The following ZC3H10 variants were observed in gnomAD, a reference collection of about 807,000 sequenced individuals.
ZC3H10 encodes the protein zinc finger CCCH-type containing 10, also known as zinc finger CCCH domain-containing protein 10.
A neutral mutation model predicts 24.3 loss-of-function variants in ZC3H10; 12 were observed. The observed-to-expected ratio is 0.49, with a 90% CI of 0.32 to 0.80. The LOEUF is 0.80. Ranked by LOEUF, ZC3H10 falls within the 30% of genes least tolerant of loss-of-function variation. ZC3H10 has a pLI of 0.04. For synonymous variants in ZC3H10, 226 were observed against 217.0 expected, an observed-to-expected ratio of 1.04 and a Z score of -0.36; for missense variants, 360 against 576.3, an observed-to-expected ratio of 0.62 and a Z score of 3.84.
Position 56,125,620 on chromosome 12 carries a change from T to G in ZC3H10, c.*3753T>G, listed in dbSNP as rs114271417. The G allele has an allele frequency of 2.6e-5, 4 of 152,144 alleles. No homozygotes were observed. The highest frequency in any genetic ancestry group is 6.5e-5 in the Admixed American group (1 of 15,272). 9.4% of individuals were successfully genotyped at this position (152,144 alleles called of 1,614,324 possible). ...CTCATTGACACAATGGGTAATATTA[T>G]TGTACCCATTTTACAGAGGAGAAAG... is the stretch of plus-strand genomic sequence containing the variant. On this transcript the variant is annotated 3_prime_UTR_variant, in exon 3 of 3. Coordinates refer to ENST00000257940, the MANE Select transcript of ZC3H10 (RefSeq NM_032786.3).
In ZC3H10 at chr12:56,125,324, G is replaced by A. The variant is rs568740719; in HGVS notation, c.*3457G>A. On this transcript the variant is annotated 3_prime_UTR_variant, in exon 3 of 3. Transcript: ENST00000257940. Reference sequence around the variant, plus strand: ...ACGATCTCTGCTCACTGCAAACTCTGCCTCCAGGGTTTACGCCATTCTGCT... The same window carrying A: ...ACGATCTCTGCTCACTGCAAACTCTACCTCCAGGGTTTACGCCATTCTGCT... 3 of 142,014 alleles carry A rather than the reference G, an allele frequency of 2.1e-5. No individual in the cohort carries two copies. The highest frequency in any genetic ancestry group is 3.0e-5 in the Non-Finnish European group (2 of 66,674). The allele number at this position is 142,014 out of a possible 1,614,324, so 8.8% of individuals were successfully genotyped here.
At position 56,121,027 on chromosome 12, in the gene ZC3H10, G is replaced by A. The variant is rs780665878; in HGVS notation, c.465G>A (p.Lys155=). The A allele has an allele frequency of 6.2e-7, 1 of 1,614,230 alleles. No individual in the cohort carries two copies. The highest frequency in any genetic ancestry group is 8.5e-7 in the Non-Finnish European group (1 of 1,180,034). ...ACTGTCAGAGAGGAGCCAAGTGCAAGTTCCGTCACCTGCAACGGGATTTTG... is the reference window on the plus strand; with the variant it reads ...ACTGTCAGAGAGGAGCCAAGTGCAAATTCCGTCACCTGCAACGGGATTTTG... ...KGDCQRGAKC[K]FRHLQRDFEF... Residue 155 remains lysine, a synonymous_variant, in exon 3 of 3, where the codon AAG becomes AAA. Transcript: ENST00000257940. The surrounding 1 kb of genome is among the most constrained non-coding windows in gnomAD (Gnocchi z 6.2).
chr12:56,122,354 G>A lies in ZC3H10; in HGVS notation c.*487G>A, dbSNP rs1869873742. ...GCTTGGGTTGGACAATACAGGAATTGCTTCTGGGCCCTGGGAAAGCTGGGA... is the reference window on the plus strand; with the variant it reads ...GCTTGGGTTGGACAATACAGGAATTACTTCTGGGCCCTGGGAAAGCTGGGA... On this transcript the variant is annotated 3_prime_UTR_variant, in exon 3 of 3. Transcript: ENST00000257940. 5.9e-6 allele frequency: 1 copy of A among 169,782 alleles called. No individual in the cohort carries two copies. Among genetic ancestry groups the A allele is most frequent in the African/African-American group, 2.4e-5 (1 of 41,518 alleles). The allele number at this position is 169,782 out of a possible 1,614,324, so 10.5% of individuals were successfully genotyped here.
Position 56,122,251 on chromosome 12 carries a change from A to G in ZC3H10, c.*384A>G. 5.2e-6 allele frequency: 1 copy of G among 192,306 alleles called. No individual in the cohort carries two copies. The highest frequency in any genetic ancestry group is 5.8e-5 in the Admixed American group (1 of 17,296). The allele number at this position is 192,306 out of a possible 1,614,324, so 11.9% of individuals were successfully genotyped here. On this transcript the variant is annotated 3_prime_UTR_variant, in exon 3 of 3. Transcript: ENST00000257940. ...AGAAAAAAATACCCTGCCCAGAGGG[A>G]AAGCCAGGAAAGATTGGGAAGTGGG...
At position 56,120,532 on chromosome 12, in the gene ZC3H10, T is replaced by A; in HGVS notation, c.-31T>A. On this transcript the variant is annotated 5_prime_UTR_variant, in exon 3 of 3. Coordinates refer to ENST00000257940, the MANE Select transcript of ZC3H10 (RefSeq NM_032786.3). ...GTAGTGGTCACCAAGAGTGGCAAGA[T>A]AAAGAAAACCCTGAGTTGGGCGGGA... 1 of 1,507,020 alleles carries A rather than the reference T, an allele frequency of 6.6e-7. No homozygotes were observed. Among genetic ancestry groups the A allele is most frequent in the Non-Finnish European group, 8.8e-7 (1 of 1,135,376 alleles). 93.4% of individuals were successfully genotyped at this position (1,507,020 alleles called of 1,614,324 possible). A position where few individuals can be genotyped will look rare whatever the true frequency, so the allele number is the denominator to read the frequency against.
rs1565868965 is a variant in ZC3H10, at chr12:56,120,885, C to G, written c.323C>G (p.Thr108Arg). ...GAGGATGAGGATGGCTATAAGAAGA[C>G]AGGAGAGCTTCCCCCACGGCTGAGG... ...SKEDEDGYKK[T>R]GELPPRLRQK... The change falls in exon 3 of 3, where the codon ACA becomes AGA. Residue 108 changes from threonine (T) to arginine (R), a missense_variant. Transcript: ENST00000257940. The G allele has an allele frequency of 6.2e-7, 1 of 1,614,182 alleles. No homozygotes were observed. Among genetic ancestry groups the G allele is most frequent in the East Asian group, 2.2e-5 (1 of 44,888 alleles).
chr12:56,121,204 C>CT lies in ZC3H10; in HGVS notation c.643dup (p.Cys215LeufsTer4). On this transcript the variant is annotated frameshift_variant, in exon 3 of 3. Coordinates refer to ENST00000257940, the MANE Select transcript of ZC3H10 (RefSeq NM_032786.3). LOFTEE classifies it high-confidence loss of function. The surrounding 1 kb of genome is among the most constrained non-coding windows in gnomAD (Gnocchi z 6.2). ...GCCCAAAACGCCGGCGAGGTGGATG[C>CT]TGCCCCCCTGATGGCCCTCATTTTG... 6.2e-7 allele frequency: 1 copy of CT among 1,613,910 alleles called. No individual in the cohort carries two copies. The highest frequency in any genetic ancestry group is 8.5e-7 in the Non-Finnish European group (1 of 1,180,024).
rs146904688 is a variant in ZC3H10 at position 56,122,139 on chromosome 12, G to C, written c.*272G>C. The C allele has an allele frequency of 4.5e-3, 2,135 of 474,620 alleles. 32 individuals carry two copies. Among genetic ancestry groups the C allele is most frequent in the African/African-American group, 0.037 (1,916 of 51,290 alleles). 29.4% of individuals were successfully genotyped at this position (474,620 alleles called of 1,614,324 possible). ...CCAGCAGAGAGGAAGGACTGACTGA[G>C]GGGCTGTGTCCTCTTATGGGAATTT... is the stretch of plus-strand genomic sequence containing the variant. On this transcript the variant is annotated 3_prime_UTR_variant, in exon 3 of 3. Coordinates refer to ENST00000257940, the MANE Select transcript of ZC3H10 (RefSeq NM_032786.3).
chr12:56,126,532 G>A lies in ZC3H10; in HGVS notation c.*4665G>A, dbSNP rs1191950179. ...TCTGGATGAGGTGAGGAAGGGAGAAGTTTGGAAAAGAACCTCCATAGGTCA... is the reference window on the plus strand; with the variant it reads ...TCTGGATGAGGTGAGGAAGGGAGAAATTTGGAAAAGAACCTCCATAGGTCA... On this transcript the variant is annotated 3_prime_UTR_variant, in exon 3 of 3. Coordinates refer to ENST00000257940, the MANE Select transcript of ZC3H10 (RefSeq NM_032786.3). 6.6e-6 allele frequency: 1 copy of A among 152,166 alleles called. No individual in the cohort carries two copies. The highest frequency in any genetic ancestry group is 1.5e-5 in the Non-Finnish European group (1 of 68,030). 9.4% of individuals were successfully genotyped at this position (152,166 alleles called of 1,614,324 possible).
At position 56,124,102 on chromosome 12, in the gene ZC3H10, T is replaced by A. The variant is rs1869925576; in HGVS notation, c.*2235T>A. 6.6e-6 allele frequency: 1 copy of A among 152,162 alleles called. No individual in the cohort carries two copies. Among genetic ancestry groups the A allele is most frequent in the South Asian group, 2.1e-4 (1 of 4,830 alleles). The allele number at this position is 152,162 out of a possible 1,614,324, so 9.4% of individuals were successfully genotyped here. A position where few individuals can be genotyped will look rare whatever the true frequency, so the allele number is the denominator to read the frequency against. Reference sequence around the variant, plus strand: ...TTTGGATTGGGTGCTGTTAAGGGAATCCAGGATAATTGGGTAGCTTGTCTA... The same window carrying A: ...TTTGGATTGGGTGCTGTTAAGGGAAACCAGGATAATTGGGTAGCTTGTCTA... On this transcript the variant is annotated 3_prime_UTR_variant, in exon 3 of 3. Transcript: ENST00000257940.
chr12:56,121,135 T>C lies in ZC3H10; in HGVS notation c.573T>C (p.Asp191=). 1 of 1,614,162 alleles carries C rather than the reference T, an allele frequency of 6.2e-7. No individual in the cohort carries two copies. Among genetic ancestry groups the C allele is most frequent in the South Asian group, 1.1e-5 (1 of 91,080 alleles). ...CAGGACGACGTCATGATCTCTATGA[T>C]ATCTATGACCTTCCTGACAGGGGCT... The part of the protein sequence containing the change: ...VLPGRRHDLY[D]IYDLPDRGFE... Residue 191 remains aspartate (D), a synonymous_variant, in exon 3 of 3, where the codon GAT becomes GAC. Transcript: ENST00000257940. This position sits in a 1 kb window ranked among gnomAD's most constrained non-coding sequence, Gnocchi z 6.2.
At chr12:56,120,138 T>C in intron 2 of ZC3H10, 3 of 884,266 alleles carry the variant, frequency 3.4e-6, no homozygotes, top group Non-Finnish European at 4.1e-6. Context: ...AGTAGCTCAG[T>C]AGCCCATCTT....
rs1319695492 is a variant in ZC3H10 at position 56,120,858 on chromosome 12, A to G, written c.296A>G (p.Lys99Arg). ...RPNCRFIHGS[K>R]EDEDGYKKTG... The stretch of plus-strand genomic sequence containing the variant: ...AATTGCCGTTTCATCCATGGCTCCA[A>G]GGAGGATGAGGATGGCTATAAGAAG... Residue 99 changes from lysine to arginine, a missense_variant, in exon 3 of 3, where the codon AAG (lysine) becomes AGG (arginine). Physicochemically the swap from Lys to Arg is conservative, Grantham distance 26 (BLOSUM62 2). Coordinates refer to ENST00000257940, the MANE Select transcript of ZC3H10 (RefSeq NM_032786.3). 1.2e-6 allele frequency: 2 copies of G among 1,614,174 alleles called. No homozygotes were observed. Among genetic ancestry groups the G allele is most frequent in the Non-Finnish European group, 1.7e-6 (2 of 1,180,026 alleles).
At position 56,123,177 on chromosome 12, in the gene ZC3H10, TGTCTA is replaced by T. The variant is rs1211481380; in HGVS notation, c.*1316_*1320del. On this transcript the variant is annotated 3_prime_UTR_variant, in exon 3 of 3. Coordinates refer to ENST00000257940, the MANE Select transcript of ZC3H10 (RefSeq NM_032786.3). ...GCTGATGTAGGGAAAACAACTCAGG[TGTCTA>T]GTCTAATGGGACAGTAGATTTGGGG... The T allele has an allele frequency of 6.6e-6, 1 of 152,116 alleles. No homozygotes were observed. Among genetic ancestry groups the T allele is most frequent in the African/African-American group, 2.4e-5 (1 of 41,406 alleles). 9.4% of individuals were successfully genotyped at this position (152,116 alleles called of 1,614,324 possible). A position where few individuals can be genotyped will look rare whatever the true frequency, so the allele number is the denominator to read the frequency against.
Position 56,120,997 on chromosome 12 carries a change from G to T in ZC3H10, c.435G>T (p.Lys145Asn). 6.2e-7 allele frequency: 1 copy of T among 1,614,170 alleles called. No homozygotes were observed. The highest frequency in any genetic ancestry group is 8.5e-7 in the Non-Finnish European group (1 of 1,180,026). ...TCCCTATCTGCCGTGACTTTCTCAA[G>T]GGTGACTGTCAGAGAGGAGCCAAGT... ...EEVPICRDFL[K>N]GDCQRGAKCK... Residue 145 changes from lysine (K) to asparagine (N), a missense_variant, in exon 3 of 3, where the codon AAG becomes AAT. Coordinates refer to ENST00000257940, the MANE Select transcript of ZC3H10 (RefSeq NM_032786.3).
chr12:56,125,555 A>G lies in ZC3H10; in HGVS notation c.*3688A>G, dbSNP rs1204041720. Reference sequence around the variant, plus strand: ...GGCTAGCATTTGTTGACTGCTTAATATAAGCCAAGGCTCTGTGCTAGGCAC... The same window carrying G: ...GGCTAGCATTTGTTGACTGCTTAATGTAAGCCAAGGCTCTGTGCTAGGCAC... On this transcript the variant is annotated 3_prime_UTR_variant, in exon 3 of 3. Transcript: ENST00000257940. The G allele has an allele frequency of 6.6e-6, 1 of 152,152 alleles. No homozygotes were observed. The highest frequency in any genetic ancestry group is 1.5e-5 in the Non-Finnish European group (1 of 68,026). 9.4% of individuals were successfully genotyped at this position (152,152 alleles called of 1,614,324 possible). A position where few individuals can be genotyped will look rare whatever the true frequency, so the allele number is the denominator to read the frequency against.
rs539967625 is a variant in ZC3H10 at position 56,124,844 on chromosome 12, C to T, written c.*2977C>T. ...GAACAATGTTAGAGATTTATATTAG[C>T]AATAATTCACATGAGAACAAACTGG... On this transcript the variant is annotated 3_prime_UTR_variant, in exon 3 of 3. Transcript: ENST00000257940. 18 of 152,242 alleles carry T rather than the reference C, an allele frequency of 1.2e-4. No individual in the cohort carries two copies. Among genetic ancestry groups the T allele is most frequent in the African/African-American group, 3.9e-4 (16 of 41,526 alleles). 9.4% of individuals were successfully genotyped at this position (152,242 alleles called of 1,614,324 possible).
chr12:56,120,066 C>A lies in ZC3H10; in HGVS notation c.-52-445C>A, dbSNP rs183572702. 200 of 278,730 alleles carry A rather than the reference C, an allele frequency of 7.2e-4. 1 individual carries two copies. Among genetic ancestry groups the A allele is most frequent in the African/African-American group, 4.3e-3 (189 of 43,696 alleles). 17.3% of individuals were successfully genotyped at this position (278,730 alleles called of 1,614,324 possible). On this transcript the variant is annotated intron_variant, in intron 2 of 2. Coordinates refer to ENST00000257940, the MANE Select transcript of ZC3H10 (RefSeq NM_032786.3). Reference sequence around the variant, plus strand: ...GATTTGATGTGTACAGAGCCCTTACCTGAGGAAAAGGAAAGGGGGTTAAGG... The same window carrying A: ...GATTTGATGTGTACAGAGCCCTTACATGAGGAAAAGGAAAGGGGGTTAAGG...
intron 1 of ZC3H10, 24 bp from the exon 2 acceptor site, chr12:56,119,064 A>G (rs1263947346): frequency 6.6e-6 from 1 of 152,506 alleles, no homozygotes; most frequent in Non-Finnish European, 1.5e-5. Context: ...CTTCCACCCA[A>G]GTCTCTGTTT....
Sources: allele counts gnomAD v4.1 joint callset, GRCh38; gene constraint gnomAD v4.1.1; non-coding constraint Gnocchi (gnomAD v3.1); transcripts MANE v1.5; gene names NCBI Gene and HGNC (gene_info 2026-07-23, HGNC 2026-07-21).